Variants in ACCSL observed in about 807,000 individuals in gnomAD.
The protein encoded by ACCSL is 1-aminocyclopropane-1-carboxylate synthase homolog (inactive) like.
A neutral mutation model predicts 61.7 loss-of-function variants in ACCSL; 55 were observed. The ratio of observed to expected loss-of-function variants is 0.89; its 90% CI spans 0.72 to 1.12. The LOEUF is 1.12. ACCSL is among the 50% of genes most tolerant of loss of function. The pLI, the probability that ACCSL is intolerant of heterozygous loss-of-function variation, is 0.00. For missense variants in ACCSL, 632 were observed against 698.0 expected, an observed-to-expected ratio of 0.91 and a Z score of 1.07; for synonymous variants, 258 against 264.3, an observed-to-expected ratio of 0.98 and a Z score of 0.23.
At chr11:43,989,877 G>C in the ACCSL span, among the ~76,000 whole-genome samples, 18 of 152,236 alleles carry the variant, frequency 1.2e-4, no homozygotes, top group African/African-American at 4.3e-4. Flanking sequence ...AGAGAGAAAG[G>C]GCCACCCAGA....
At chr11:44,055,413 C>A in intron 9 of ACCSL, 122 bp downstream of exon 9, 2 of 617,696 alleles carry the variant, frequency 3.2e-6, no homozygotes, top group East Asian at 2.7e-5. Context: ...GCCCACAGGG[C>A]CTGTGAATAC....
the ACCSL span, chr11:43,942,479 G>A: frequency 4.7e-6 from 1 of 212,416 alleles, no homozygotes; most frequent in South Asian, 4.5e-5. Flanking sequence ...GGCGGGCGGC[G>A]CCGGGGAAGG....
chr11:43,998,346 C>T, the ACCSL span, among the ~76,000 whole-genome samples: 100 of 152,308 alleles, frequency 6.6e-4, no homozygotes, highest in Non-Finnish European at 3.2e-4. Flanking sequence ...CTTTCTTCAT[C>T]CCCTTTCTTT....
At chr11:43,962,874 C>A in the ACCSL span, among the ~76,000 whole-genome samples, 1 of 152,186 alleles carries the variant, frequency 6.6e-6, no homozygotes, top group Non-Finnish European at 1.5e-5. Context: ...AAGGAAGATG[C>A]ATTTTCTGAC....
intron 5 of ACCSL, among the ~76,000 whole-genome samples, chr11:44,052,409 TA>T (rs1218560809): frequency 2.0e-5 from 3 of 152,244 alleles, no homozygotes; most frequent in African/African-American, 4.8e-5. Flanking sequence ...GATTCTGAGT[TA>T]CTCAGTGATA....
the ACCSL span, among the ~76,000 whole-genome samples, chr11:43,997,499 T>C: frequency 1.3e-5 from 2 of 152,240 alleles, no homozygotes; most frequent in Non-Finnish European, 2.9e-5. Context: ...CCAGTTGCGA[T>C]ATTTTCCATG....
the ACCSL span, among the ~76,000 whole-genome samples, chr11:43,931,595 G>C: frequency 1.6e-4 from 24 of 152,186 alleles, no homozygotes; most frequent in African/African-American, 5.3e-4. Flanking sequence ...AAAGTTCCCT[G>C]ACATCTCTGA....
chr11:44,055,690 C>A (rs1952666889), intron 9 of ACCSL, among the ~76,000 whole-genome samples: 1 of 152,178 alleles, frequency 6.6e-6, no homozygotes, highest in African/African-American at 2.4e-5. Context: ...ATAGCTTCAC[C>A]AAAGGTGGAG....
the ACCSL span, among the ~76,000 whole-genome samples, chr11:44,032,887 C>T: frequency 6.6e-6 from 1 of 152,144 alleles, no homozygotes; most frequent in African/African-American, 2.4e-5. Context: ...ACTCTCAGCT[C>T]ATCATCTCTG....
chr11:43,970,071 C>T, the ACCSL span, among the ~76,000 whole-genome samples: 1 of 152,166 alleles, frequency 6.6e-6, no homozygotes, highest in East Asian at 1.9e-4. Context: ...AATCCCAGAA[C>T]TTGGGAGACC....
the ACCSL span, among the ~76,000 whole-genome samples, chr11:44,014,755 G>A: frequency 6.6e-6 from 1 of 152,140 alleles, no homozygotes; most frequent in African/African-American, 2.4e-5. Context: ...AGTGACCCTA[G>A]GAGTAGGAGG....
At chr11:44,008,302 A>G in the ACCSL span, among the ~76,000 whole-genome samples, 1 of 152,128 alleles carries the variant, frequency 6.6e-6, no homozygotes, top group Non-Finnish European at 1.5e-5. Flanking sequence ...CTGGGATGCG[A>G]CCAAATTGCA....
chr11:43,957,706 G>C, the ACCSL span, among the ~76,000 whole-genome samples: 2 of 152,184 alleles, frequency 1.3e-5, no homozygotes, highest in African/African-American at 4.8e-5. Flanking sequence ...TTCTATACCA[G>C]AGTCAGGTTG....
the ACCSL span, among the ~76,000 whole-genome samples, chr11:43,924,643 C>A: frequency 6.6e-6 from 1 of 152,244 alleles, no homozygotes; most frequent in Non-Finnish European, 1.5e-5. Context: ...GAAGGGCCAC[C>A]TCGCAGGAAG....
chr11:43,992,149 C>A, the ACCSL span, among the ~76,000 whole-genome samples: 7 of 151,156 alleles, frequency 4.6e-5, no homozygotes, highest in African/African-American at 1.7e-4. Context: ...CCTCCTGGGC[C>A]CAAGGGATCC....
At chr11:43,942,875 C>A in the ACCSL span, 5 of 1,268,754 alleles carry the variant, frequency 3.9e-6, no homozygotes, top group Non-Finnish European at 5.0e-6. Context: ...CGGCGCCCCG[C>A]CGCCCGGCCC....
the ACCSL span, among the ~76,000 whole-genome samples, chr11:43,990,701 A>G: frequency 6.6e-6 from 1 of 152,152 alleles, no homozygotes; most frequent in East Asian, 1.9e-4. Flanking sequence ...TCTGCCTCCT[A>G]GATTTCTGTC....
At chr11:44,010,989 G>A in the ACCSL span, among the ~76,000 whole-genome samples, 6 of 152,152 alleles carry the variant, frequency 3.9e-5, no homozygotes, top group Non-Finnish European at 8.8e-5. Flanking sequence ...GTCCAAATAA[G>A]TTAAAATATT....
the ACCSL span, chr11:43,944,154 G>A: frequency 3.1e-6 from 1 of 321,424 alleles, no homozygotes; most frequent in Admixed American, 4.7e-5. Context: ...CCGCAGGAGG[G>A]GCGGAGGCAG....
Sources: allele counts gnomAD v4.1 joint callset (sites outside exome capture counted in the v4.1 genomes callset), GRCh38; gene constraint gnomAD v4.1.1; transcripts MANE v1.5; gene names NCBI Gene and HGNC (gene_info 2026-07-23, HGNC 2026-07-21).